Variants in KCNAB1 observed in about 807,000 individuals in gnomAD.
KCNAB1 encodes potassium voltage-gated channel subfamily A regulatory beta subunit 1.
A neutral mutation model predicts 64.6 loss-of-function variants in KCNAB1; 35 were observed. The ratio of observed to expected loss-of-function variants is 0.54; its 90% CI spans 0.41 to 0.72. The LOEUF (loss-of-function observed/expected upper bound fraction) is 0.72, where lower values mean the gene tolerates loss of function less well. KCNAB1 is among the 30% of genes least tolerant of loss of function. The probability of loss-of-function intolerance (pLI) is 0.00; values close to 1 mark genes in which losing one functional copy is unlikely to be tolerated. For missense variants in KCNAB1, 401 were observed against 512.9 expected (o/e 0.78, Z 2.11); for synonymous variants, 177 against 183.8 (o/e 0.96, Z 0.30).
intron 1 of KCNAB1, among the ~76,000 whole-genome samples, chr3:156,335,704 C>T (rs1723651162): frequency 6.6e-6 from 1 of 152,038 alleles, no homozygotes; most frequent in African/African-American, 2.4e-5. Context: ...TTTTTCTTTT[C>T]CTTGTCAACA....
chr3:156,347,712 C>T (rs145138589), intron 1 of KCNAB1, among the ~76,000 whole-genome samples: 133 of 152,244 alleles, frequency 8.7e-4, no homozygotes, highest in African/African-American at 2.8e-3. Context: ...CATTTCTGAG[C>T]GGTATTTTTC....
chr3:156,140,835 T>C (rs1185138003), intron 1 of KCNAB1, among the ~76,000 whole-genome samples: 1 of 152,170 alleles, frequency 6.6e-6, no homozygotes, highest in Non-Finnish European at 1.5e-5. Flanking sequence ...TGAATAATTG[T>C]GTACCGGGGC....
intron 8 of KCNAB1, among the ~76,000 whole-genome samples, chr3:156,498,636 A>C (rs1462847239): frequency 6.6e-6 from 1 of 152,242 alleles, no homozygotes; most frequent in Non-Finnish European, 1.5e-5. Context: ...ATGAAGATGG[A>C]CTAATACATG....
chr3:156,317,905 A>G (rs1296430864), intron 1 of KCNAB1, among the ~76,000 whole-genome samples: 2 of 151,832 alleles, frequency 1.3e-5, no homozygotes, highest in Non-Finnish European at 2.9e-5. Flanking sequence ...ATATTAGCAT[A>G]TTGCTTCCAT....
intron 1 of KCNAB1, among the ~76,000 whole-genome samples, chr3:156,328,808 T>C (rs1438746038): frequency 6.6e-6 from 1 of 152,222 alleles, no homozygotes; most frequent in Non-Finnish European, 1.5e-5. Context: ...TATAATTCAA[T>C]AGGCTTTGAG....
intron 1 of KCNAB1, among the ~76,000 whole-genome samples, chr3:156,398,505 T>C (rs56872455): frequency 0.31 from 46,124 of 148,428 alleles, 9,646 homozygotes; most frequent in African/African-American, 0.61. Flanking sequence ...GGCAGGAGAA[T>C]GGCATGAACC....
intron 1 of KCNAB1, among the ~76,000 whole-genome samples, chr3:156,206,496 A>G (rs1007051197): frequency 1.3e-5 from 2 of 152,186 alleles, no homozygotes; most frequent in African/African-American, 4.8e-5. Context: ...GAGTTGAGAG[A>G]AGGAGCCTAG....
chr3:156,279,738 T>C (rs1322342771), intron 1 of KCNAB1, among the ~76,000 whole-genome samples: 1 of 152,356 alleles, frequency 6.6e-6, no homozygotes, highest in South Asian at 2.1e-4. Context: ...CATTTTTTCA[T>C]TTGTTTTTTG....
At chr3:156,210,464 AGAG>A (rs763730331) in intron 1 of KCNAB1, among the ~76,000 whole-genome samples, 7 of 152,228 alleles carry the variant, frequency 4.6e-5, no homozygotes, top group Non-Finnish European at 7.3e-5. Flanking sequence ...TCCAGCAGAT[AGAG>A]GTTATTTCCT....
chr3:156,518,794 T>C (rs983696949), intron 11 of KCNAB1, among the ~76,000 whole-genome samples: 1 of 152,200 alleles, frequency 6.6e-6, no homozygotes, highest in African/African-American at 2.4e-5. Flanking sequence ...ATTTCTAAAT[T>C]TGTGTTATCA....
intron 2 of KCNAB1, among the ~76,000 whole-genome samples, chr3:156,430,359 C>A (rs1716121752): frequency 6.6e-6 from 1 of 152,166 alleles, no homozygotes; most frequent in African/African-American, 2.4e-5. Flanking sequence ...CACGCACACA[C>A]CTCATCTCTC....
intron 11 of KCNAB1, among the ~76,000 whole-genome samples, chr3:156,523,241 A>G (rs2108407861): frequency 6.6e-6 from 1 of 152,302 alleles, no homozygotes; most frequent in South Asian, 2.1e-4. Flanking sequence ...TTAAAAACCA[A>G]CTCAGTACCT....
chr3:156,199,750 A>T (rs139745375), intron 1 of KCNAB1, among the ~76,000 whole-genome samples: 1 of 152,168 alleles, frequency 6.6e-6, no homozygotes, highest in African/African-American at 2.4e-5. Context: ...GCTTCCTTGT[A>T]TTGGGTTAGA....
chr3:156,329,066 G>T (rs1044134400), intron 1 of KCNAB1, among the ~76,000 whole-genome samples: 5 of 152,112 alleles, frequency 3.3e-5, no homozygotes, highest in Admixed American at 1.3e-4. Context: ...TCCTTTTGCT[G>T]CACTTATCTT....
upstream of KCNAB1, chr3:156,118,299 C>G (rs1291496661): frequency 4.4e-6 from 2 of 455,278 alleles, no homozygotes; most frequent in Non-Finnish European, 8.8e-6. Flanking sequence ...GGCTACTGAT[C>G]AGAGCACCTG....
chr3:156,420,521 C>T (rs758158315), intron 1 of KCNAB1, among the ~76,000 whole-genome samples: 3 of 152,174 alleles, frequency 2.0e-5, no homozygotes, highest in Non-Finnish European at 2.9e-5. Context: ...GATGACAAAT[C>T]AAGGGAGAAC....
chr3:156,246,304 C>A (rs541109098), intron 1 of KCNAB1, among the ~76,000 whole-genome samples: 1 of 151,444 alleles, frequency 6.6e-6, no homozygotes, highest in Non-Finnish European at 1.5e-5. Flanking sequence ...CAAGCAACAT[C>A]TAGTCTAAAA....
intron 8 of KCNAB1, among the ~76,000 whole-genome samples, chr3:156,483,400 T>C (rs1714971566): frequency 6.6e-6 from 1 of 152,144 alleles, no homozygotes; most frequent in Non-Finnish European, 1.5e-5. Flanking sequence ...TATTTATATT[T>C]AGTATATTTC....
intron 12 of KCNAB1, among the ~76,000 whole-genome samples, chr3:156,527,875 T>C (rs1022018926): frequency 4.6e-5 from 7 of 152,218 alleles, no homozygotes; most frequent in African/African-American, 1.7e-4. Context: ...CACACAGGTA[T>C]ACTGGAGCCA....
Sources: allele counts gnomAD v4.1 joint callset (sites outside exome capture counted in the v4.1 genomes callset), GRCh38; gene constraint gnomAD v4.1.1; transcripts MANE v1.5; gene names NCBI Gene and HGNC (gene_info 2026-07-23, HGNC 2026-07-21).